Variants in PPM1D observed in about 807,000 individuals in gnomAD.
PPM1D encodes the protein protein phosphatase, Mg2+/Mn2+ dependent 1D.
Under a neutral mutation model 58.3 loss-of-function variants are expected in PPM1D, and 52 were observed. That is an observed-to-expected ratio of 0.89 (90% CI 0.71 to 1.12). PPM1D has a LOEUF of 1.12. PPM1D is among the 50% of genes most tolerant of loss of function. The probability of loss-of-function intolerance (pLI) is 0.00; values close to 1 mark genes in which losing one functional copy is unlikely to be tolerated. For missense variants in PPM1D, 564 were observed against 777.2 expected (o/e 0.73, Z 3.26); for synonymous variants, 278 against 285.1 (o/e 0.98, Z 0.25).
At position 60,636,581 on chromosome 17, in the gene PPM1D, A is replaced by G. The variant is rs139063101; in HGVS notation, c.826+2604A>G. ...ATGGTCAGAGGAGGGTCTCGCTAAGATGATATGTCAGTAAAGTGTAAGTAA... is the reference window on the plus strand; with the variant it reads ...ATGGTCAGAGGAGGGTCTCGCTAAGGTGATATGTCAGTAAAGTGTAAGTAA... On this transcript the variant is annotated intron_variant, in intron 3 of 5. Transcript: ENST00000305921. Among the ~76,000 whole-genome samples, 416 of 152,310 alleles carry G rather than the reference A, an allele frequency of 2.7e-3. 1 individual carries two copies. The highest frequency in any genetic ancestry group is 9.5e-3 in the African/African-American group (396 of 41,570).
chr17:60,604,950 C>G (rs1442365144), intron 1 of PPM1D, among the ~76,000 whole-genome samples: 1 of 152,202 alleles, frequency 6.6e-6, no homozygotes, highest in Non-Finnish European at 1.5e-5. Context: ...TTCTGAGTAG[C>G]TGGGACTACA....
intron 5 of PPM1D, among the ~76,000 whole-genome samples, chr17:60,662,598 A>G (rs1237143081): frequency 6.6e-6 from 1 of 152,240 alleles, no homozygotes; most frequent in East Asian, 1.9e-4. Flanking sequence ...TGAGTACAGA[A>G]TAGTGGAAGA....
At chr17:60,638,219 T>C (rs1225167427) in intron 3 of PPM1D, among the ~76,000 whole-genome samples, 1 of 152,146 alleles carries the variant, frequency 6.6e-6, no homozygotes, top group Non-Finnish European at 1.5e-5. Context: ...GAGAAAATCG[T>C]TTTAGTGATA....
At chr17:60,652,640 T>G (rs1019691659) in intron 4 of PPM1D, among the ~76,000 whole-genome samples, 10 of 147,104 alleles carry the variant, frequency 6.8e-5, no homozygotes, top group African/African-American at 2.3e-4. Context: ...ACACTGAGGG[T>G]TCCCCTTTCT....
intron 1 of PPM1D, among the ~76,000 whole-genome samples, chr17:60,608,955 G>A (rs1160725489): frequency 2.6e-5 from 4 of 151,502 alleles, no homozygotes; most frequent in Admixed American, 2.6e-4. Context: ...CACCGTGTTA[G>A]CCAGGATGGT....
intron 5 of PPM1D, among the ~76,000 whole-genome samples, chr17:60,661,514 C>T (rs368494394): frequency 6.6e-5 from 10 of 151,982 alleles, no homozygotes; most frequent in Non-Finnish European, 1.2e-4. Context: ...TGGAGGTGAG[C>T]GGCTATTCTG....
intron 3 of PPM1D, among the ~76,000 whole-genome samples, chr17:60,640,819 G>GGAAATTTCTTTTATTTAGAAATTTA (rs1404141947): frequency 2.6e-5 from 4 of 151,540 alleles, no homozygotes; most frequent in East Asian, 3.9e-4. Context: ...AAAAGAAATT[G>GGAAATTTCTTTTATTTAGAAATTTA]GAAATTTCTT....
intron 1 of PPM1D, among the ~76,000 whole-genome samples, chr17:60,601,695 G>T (rs975209185): frequency 6.6e-6 from 1 of 152,186 alleles, no homozygotes; most frequent in African/African-American, 2.4e-5. Context: ...ATAAGAAAAG[G>T]CAAGGAATTA....
At chr17:60,657,054 C>T (rs574536485) in intron 5 of PPM1D, 1 of 1,453,960 alleles carries the variant, frequency 6.9e-7, no homozygotes, top group African/African-American at 1.4e-5. Context: ...TGATTGTGGG[C>T]CCTTAAGAAT....
intron 1 of PPM1D, among the ~76,000 whole-genome samples, chr17:60,611,771 T>C (rs1479061362): frequency 1.3e-5 from 2 of 152,214 alleles, no homozygotes; most frequent in Non-Finnish European, 1.5e-5. Flanking sequence ...AGTTAGCAGG[T>C]ATCTTCCAGT....
intron 3 of PPM1D, among the ~76,000 whole-genome samples, chr17:60,647,285 C>G (rs1445334462): frequency 6.6e-6 from 1 of 152,106 alleles, no homozygotes; most frequent in African/African-American, 2.4e-5. Flanking sequence ...ATCTTCATAA[C>G]AGGCATGTAT....
intron 4 of PPM1D, among the ~76,000 whole-genome samples, chr17:60,650,412 G>C (rs554284264): frequency 7.2e-5 from 11 of 152,246 alleles, no homozygotes; most frequent in Admixed American, 1.3e-4. Flanking sequence ...TCAGCCAGAC[G>C]TGGTGACTCG....
intron 3 of PPM1D, among the ~76,000 whole-genome samples, chr17:60,643,883 CT>C (rs71148308): frequency 4.4e-3 from 433 of 97,730 alleles, no homozygotes; most frequent in African/African-American, 0.017. Context: ...CTTTTCTTTT[CT>C]TTTTTTTTTT....
intron 5 of PPM1D, among the ~76,000 whole-genome samples, chr17:60,659,915 T>C (rs1182508133): frequency 6.6e-6 from 1 of 152,236 alleles, no homozygotes; most frequent in African/African-American, 2.4e-5. Flanking sequence ...GTCAGAATAA[T>C]ATTCTGTGCA....
intron 4 of PPM1D, among the ~76,000 whole-genome samples, chr17:60,653,194 C>A (rs2031376422): frequency 6.6e-6 from 1 of 152,110 alleles, no homozygotes; most frequent in Admixed American, 6.6e-5. Flanking sequence ...TAATTGAGAT[C>A]TTAGATTTAA....
At chr17:60,612,068 G>T (rs2030468513) in intron 1 of PPM1D, among the ~76,000 whole-genome samples, 1 of 151,780 alleles carries the variant, frequency 6.6e-6, no homozygotes. Context: ...ATTTATAGAG[G>T]TATAATTGAC....
Position 60,600,529 on chromosome 17 carries a change from C to G in PPM1D, c.115C>G (p.Pro39Ala). The change falls in exon 1 of 6, where the codon CCC becomes GCC. Residue 39 changes from proline to alanine, a missense_variant. Transcript: ENST00000305921. ...VEPEPTAEEKPSPRRSLSQPL... is the reference protein window; with the variant it reads ...VEPEPTAEEKASPRRSLSQPL... The stretch of plus-strand genomic sequence containing the variant: ...GCCCGAACCGACGGCTGAAGAAAAG[C>G]CCTCGCCGCGGCGGTCGCTGTCTCA... The G allele has an allele frequency of 6.4e-7, 1 of 1,558,668 alleles. No homozygotes were observed. The highest frequency in any genetic ancestry group is 8.7e-7 in the Non-Finnish European group (1 of 1,151,542).
intron 3 of PPM1D, among the ~76,000 whole-genome samples, chr17:60,643,802 C>A (rs1421065858): frequency 6.6e-6 from 1 of 151,930 alleles, no homozygotes; most frequent in Non-Finnish European, 1.5e-5. Context: ...GTTCATGAAC[C>A]CCTGTAGAGC....
At chr17:60,616,029 G>T (rs556209386) in intron 1 of PPM1D, among the ~76,000 whole-genome samples, 3 of 151,698 alleles carry the variant, frequency 2.0e-5, no homozygotes, top group African/African-American at 7.3e-5. Context: ...TTTTTTGGAG[G>T]CAGAGTCTTG....
Sources: gnomAD v4.1 joint callset for allele counts (sites outside exome capture counted in the v4.1 genomes callset) on GRCh38, gnomAD v4.1.1 for gene constraint, MANE v1.5 for transcripts, NCBI Gene and HGNC (gene_info 2026-07-23, HGNC 2026-07-21) for gene names.